Variants in C8orf34 observed in about 807,000 individuals in gnomAD.
C8orf34 encodes the protein chromosome 8 open reading frame 34, also known as uncharacterized protein C8orf34.
Under a neutral mutation model 68.3 loss-of-function variants are expected in C8orf34, and 65 were observed. That is an observed-to-expected ratio of 0.95 (90% CI 0.78 to 1.17). C8orf34 has a LOEUF of 1.17. C8orf34 is among the 50% of genes most tolerant of loss of function. The pLI, the probability that C8orf34 is intolerant of heterozygous loss-of-function variation, is 0.00. For synonymous variants in C8orf34, 244 were observed against 241.2 expected (o/e 1.01, Z -0.11); for missense variants, 664 against 655.4 (o/e 1.01, Z -0.14).
chr8:68,424,754 G>T (rs1366318217), intron 1 of C8orf34, among the ~76,000 whole-genome samples: 3 of 151,976 alleles, frequency 2.0e-5, no homozygotes, highest in African/African-American at 7.2e-5. Flanking sequence ...CAAAAAATTA[G>T]CTGGGCGTGG....
At chr8:68,619,193 G>A (rs1424409016) in intron 7 of C8orf34, among the ~76,000 whole-genome samples, 1 of 152,160 alleles carries the variant, frequency 6.6e-6, no homozygotes, top group Non-Finnish European at 1.5e-5. Context: ...GGGCATGGTG[G>A]CATGTGCCTA....
At chr8:68,500,192 A>G (rs1813706017) in intron 5 of C8orf34, among the ~76,000 whole-genome samples, 1 of 152,212 alleles carries the variant, frequency 6.6e-6, no homozygotes, top group Non-Finnish European at 1.5e-5. Flanking sequence ...CCTTTATAGT[A>G]ACAAAAATGG....
chr8:68,803,835 T>C (rs1824403103), intron 12 of C8orf34, among the ~76,000 whole-genome samples: 1 of 152,152 alleles, frequency 6.6e-6, no homozygotes, highest in South Asian at 2.1e-4. Flanking sequence ...AACTGAATTA[T>C]ACTTTTTGTA....
chr8:68,755,929 T>A (rs1585835053), intron 10 of C8orf34, among the ~76,000 whole-genome samples: 1 of 149,638 alleles, frequency 6.7e-6, no homozygotes, highest in Admixed American at 6.7e-5. Flanking sequence ...TAGCCGGGCG[T>A]GATGGCGGGC....
Position 68,591,115 on chromosome 8 carries a change from A to C in C8orf34, c.1106-49261A>C, listed in dbSNP as rs181050301. On this transcript the variant is annotated intron_variant, in intron 7 of 13. Transcript: ENST00000518698. ...GAACTCCTCTGCATACCCTGCCACC[A>C]TCTTGGAAGGGAGGAAAATCTGATA... Among the ~76,000 whole-genome samples, 9 of 152,300 alleles carry C rather than the reference A, an allele frequency of 5.9e-5. No individual in the cohort carries two copies. The East Asian group carries it at 1.7e-3, about 29-fold the overall frequency.
At chr8:68,534,239 T>C (rs1815370049) in intron 7 of C8orf34, 1 of 985,244 alleles carries the variant, frequency 1.0e-6, no homozygotes, top group Non-Finnish European at 1.2e-6. Context: ...ATTAAGGAGA[T>C]TGTATCATGG....
chr8:68,553,973 A>G (rs915111714), intron 7 of C8orf34, among the ~76,000 whole-genome samples: 11 of 152,180 alleles, frequency 7.2e-5, no homozygotes, highest in African/African-American at 2.4e-4. Context: ...AATGAAAATC[A>G]AAAAATGAGA....
rs58048066 is a variant in C8orf34 at position 68,794,506 on chromosome 8, T to TATATATATATATATATATATATACA, written c.1549+6970_1549+6971insATATATATATATATATATATATACA. ...AAATATATATATATATATATATATA[T>TATATATATATATATATATATATACA]TTTTTTTTTTTTTTTTTAGACAGGC... On this transcript the variant is annotated intron_variant, in intron 12 of 13. Transcript: ENST00000518698. Among the ~76,000 whole-genome samples, 39 of 58,878 alleles carry TATATATATATATATATATATATACA rather than the reference T, an allele frequency of 6.6e-4. 1 individual carries two copies. The highest frequency in any genetic ancestry group is 0.022 in the Middle Eastern group (2 of 92). 38.6% of individuals were successfully genotyped at this position (58,878 alleles called of 152,430 possible).
intron 1 of C8orf34, among the ~76,000 whole-genome samples, chr8:68,425,460 C>G (rs1337056941): frequency 2.0e-5 from 3 of 152,066 alleles, no homozygotes; most frequent in African/African-American, 4.8e-5. Context: ...TTTCTGTATA[C>G]TGACAAAAGT....
chr8:68,669,221 C>T (rs1819933039), intron 8 of C8orf34, among the ~76,000 whole-genome samples: 1 of 151,944 alleles, frequency 6.6e-6, no homozygotes, highest in Admixed American at 6.6e-5. Flanking sequence ...AACAAATATG[C>T]TACTTTGGTG....
chr8:68,544,801 A>G (rs967478861), intron 7 of C8orf34, among the ~76,000 whole-genome samples: 1 of 151,946 alleles, frequency 6.6e-6, no homozygotes, highest in Non-Finnish European at 1.5e-5. Flanking sequence ...AATAATTCGG[A>G]AAAAAAATCA....
intron 5 of C8orf34, among the ~76,000 whole-genome samples, chr8:68,514,631 C>T (rs531206246): frequency 6.6e-6 from 1 of 152,204 alleles, no homozygotes; most frequent in Non-Finnish European, 1.5e-5. Context: ...TCAGAATATC[C>T]AGCCCATAAT....
chr8:68,777,634 C>G (rs1444737960), intron 11 of C8orf34, among the ~76,000 whole-genome samples: 1 of 152,178 alleles, frequency 6.6e-6, no homozygotes, highest in Non-Finnish European at 1.5e-5. Flanking sequence ...AATCAACATC[C>G]TAACATGATC....
At chr8:68,685,511 TC>T (rs1313261349) in intron 8 of C8orf34, among the ~76,000 whole-genome samples, 1 of 152,146 alleles carries the variant, frequency 6.6e-6, no homozygotes, top group Non-Finnish European at 1.5e-5. Context: ...CATGTAATAC[TC>T]AAACAATTTC....
chr8:68,774,325 G>GTATATATATATATATATATATATA (rs1491199296), intron 10 of C8orf34, among the ~76,000 whole-genome samples: 8 of 39,242 alleles, frequency 2.0e-4, no homozygotes, highest in South Asian at 2.0e-3. Context: ...AAATATGGGT[G>GTATATATATATATATATATATATA]TGTGTGTATA....
chr8:68,422,516 C>T (rs1480206752), intron 1 of C8orf34, among the ~76,000 whole-genome samples: 2 of 152,196 alleles, frequency 1.3e-5, no homozygotes, highest in Non-Finnish European at 2.9e-5. Context: ...GGCAGCTCTA[C>T]TCCTGTGGTT....
chr8:68,756,742 C>A (rs899335535), intron 10 of C8orf34, among the ~76,000 whole-genome samples: 6 of 151,984 alleles, frequency 3.9e-5, no homozygotes, highest in African/African-American at 1.5e-4. Flanking sequence ...GGGAGTAAAT[C>A]TGTACACGAA....
At chr8:68,415,926 A>C (rs1182489333) in intron 1 of C8orf34, among the ~76,000 whole-genome samples, 1 of 152,186 alleles carries the variant, frequency 6.6e-6, no homozygotes, top group Non-Finnish European at 1.5e-5. Flanking sequence ...GGAACTTGGC[A>C]ATTTTGTGGA....
At chr8:68,369,580 C>A (rs764104343) in intron 1 of C8orf34, among the ~76,000 whole-genome samples, 1 of 152,170 alleles carries the variant, frequency 6.6e-6, no homozygotes, top group Non-Finnish European at 1.5e-5. Context: ...TGACATGTAA[C>A]TTACCTGTGC....
Sources: allele counts gnomAD v4.1 joint callset (sites outside exome capture counted in the v4.1 genomes callset), GRCh38; gene constraint gnomAD v4.1.1; transcripts MANE v1.5; gene names NCBI Gene and HGNC (gene_info 2026-07-23, HGNC 2026-07-21).